Variants in ACAT1 observed in about 807,000 individuals in gnomAD.
ACAT1 encodes acetyl-CoA acetyltransferase, mitochondrial.
A neutral mutation model predicts 47.3 loss-of-function variants in ACAT1; 28 were observed. The observed-to-expected ratio is 0.59, with a 90% CI of 0.44 to 0.81. ACAT1 has a LOEUF of 0.81. Ranked by LOEUF, ACAT1 falls within the 30% of genes least tolerant of loss-of-function variation. The probability of loss-of-function intolerance (pLI) is 0.00; values close to 1 mark genes in which losing one functional copy is unlikely to be tolerated. For synonymous variants in ACAT1, 181 were observed against 173.6 expected, an observed-to-expected ratio of 1.04 and a Z score of -0.34; for missense variants, 469 against 524.3, an observed-to-expected ratio of 0.89 and a Z score of 1.03.
intron 5 of ACAT1, among the ~76,000 whole-genome samples, chr11:108,137,465 A>C (rs2077489848): frequency 6.6e-6 from 1 of 152,208 alleles, no homozygotes; most frequent in East Asian, 1.9e-4. Flanking sequence ...ATGAGTGTTG[A>C]TGATGCTTTG....
At chr11:108,133,696 T>C in intron 2 of ACAT1, 124 bp from the exon 3 acceptor site, 1 of 784,740 alleles carries the variant, frequency 1.3e-6, no homozygotes, top group Non-Finnish European at 2.2e-6. Context: ...GCTGTTCAAC[T>C]ATTGAGATTA....
At chr11:108,142,578 T>C (rs1476850163) in intron 9 of ACAT1, 28 bp downstream of exon 9, 1 of 1,569,362 alleles carries the variant, frequency 6.4e-7, no homozygotes, top group East Asian at 2.2e-5. Flanking sequence ...GGCTCACACC[T>C]GTAATCCCAG....
rs120074143 is a variant in ACAT1, at chr11:108,146,332, G to T, written c.1136G>T (p.Gly379Val). ...IDPQKVNING[G>V]AVSLGHPIGM... ...CCCCAAAAAGTGAATATCAATGGAG[G>T]AGCTGTTTCTCTGGGACATCCAATT... The change falls in exon 11 of 12, where the codon GGA (glycine) becomes GTA (valine). Residue 379 changes from glycine (G) to valine (V), a missense_variant. Physicochemically the swap from Gly to Val is moderately radical, Grantham distance 109. Coordinates refer to ENST00000265838, the MANE Select transcript of ACAT1 (RefSeq NM_000019.4). The T allele has an allele frequency of 6.2e-7, 1 of 1,613,864 alleles. No individual in the cohort carries two copies. The highest frequency in any genetic ancestry group is 8.5e-7 in the Non-Finnish European group (1 of 1,179,960).
In ACAT1 at chr11:108,134,200, CTT is replaced by C. The variant is rs201199156; in HGVS notation, c.239-9_239-8del. On this transcript the variant is annotated intron_variant, in intron 3 of 11. Coordinates refer to ENST00000265838, the MANE Select transcript of ACAT1 (RefSeq NM_000019.4). ...TAAATTGAATTAAATGCCTTTTTGA[CTT>C]TTTTTTTTTTTAATAAAGGGATTCC... The C allele has an allele frequency of 4.6e-3, 6,090 of 1,337,084 alleles. No individual in the cohort carries two copies. The highest frequency in any genetic ancestry group is 5.1e-3 in the Non-Finnish European group (4,909 of 964,350). The allele number at this position is 1,337,084 out of a possible 1,614,324, so 82.8% of individuals were successfully genotyped here. A position where few individuals can be genotyped will look rare whatever the true frequency, so the allele number is the denominator to read the frequency against.
intron 5 of ACAT1, chr11:108,136,398 A>C (rs1330899590): frequency 3.7e-6 from 1 of 269,996 alleles, no homozygotes; most frequent in Non-Finnish European, 6.9e-6. Context: ...TACCAGTTAG[A>C]CTTTCCAAAA....
upstream of ACAT1, among the ~76,000 whole-genome samples, chr11:108,118,171 A>G (rs1273545011): frequency 2.0e-5 from 3 of 152,088 alleles, no homozygotes; most frequent in Non-Finnish European, 4.4e-5. Flanking sequence ...TAATCCCAGC[A>G]CTTTGGGAGA....
At chr11:108,135,665 T>C (rs528896616) in intron 5 of ACAT1, among the ~76,000 whole-genome samples, 1 of 152,172 alleles carries the variant, frequency 6.6e-6, no homozygotes, top group African/African-American at 2.4e-5. Flanking sequence ...CCGTCTCTAC[T>C]AAAAATACAA....
At chr11:108,144,809 TGAAAG>T (rs2077671031) in intron 10 of ACAT1, among the ~76,000 whole-genome samples, 2 of 151,306 alleles carry the variant, frequency 1.3e-5, no homozygotes, top group South Asian at 2.1e-4. Context: ...TCTCAGAAAA[TGAAAG>T]GAACACGCAG....
At chr11:108,141,287 A>C (rs1429924309) in intron 7 of ACAT1, among the ~76,000 whole-genome samples, 1 of 138,408 alleles carries the variant, frequency 7.2e-6, no homozygotes, top group Non-Finnish European at 1.5e-5. Context: ...TGGGAGGCTG[A>C]GGTGGGAGGA....
upstream of ACAT1, among the ~76,000 whole-genome samples, chr11:108,119,997 G>A (rs1480130250): frequency 1.3e-5 from 2 of 152,086 alleles, no homozygotes; most frequent in African/African-American, 4.8e-5. Flanking sequence ...GGGGCGGATT[G>A]CGTGAGCTCA....
chr11:108,147,335 C>G lies in ACAT1; in HGVS notation c.1229C>G (p.Ala410Gly). The stretch of plus-strand genomic sequence containing the variant: ...TTGAAGCAAGGAGAATACGGTCTTG[C>G]CAGTATTTGCAATGGAGGAGGAGGT... The part of the protein sequence containing the change: ...HALKQGEYGL[A>G]SICNGGGGAS... Residue 410 changes from alanine (A) to glycine (G), a missense_variant, in exon 12 of 12, where the codon GCC becomes GGC. By Grantham distance (60) the Ala-to-Gly change is moderately conservative. Coordinates refer to ENST00000265838, the MANE Select transcript of ACAT1 (RefSeq NM_000019.4). The G allele has an allele frequency of 6.2e-7, 1 of 1,613,818 alleles. No homozygotes were observed. The highest frequency in any genetic ancestry group is 8.5e-7 in the Non-Finnish European group (1 of 1,179,894).
upstream of ACAT1, among the ~76,000 whole-genome samples, chr11:108,118,376 C>T (rs540457280): frequency 2.0e-5 from 3 of 151,644 alleles, no homozygotes; most frequent in Non-Finnish European, 4.4e-5. Context: ...AATCTAGTCA[C>T]TTTCTTTTTT....
chr11:108,118,979 A>G (rs2077107317), upstream of ACAT1, among the ~76,000 whole-genome samples: 1 of 152,158 alleles, frequency 6.6e-6, no homozygotes, highest in South Asian at 2.1e-4. Context: ...CTAAGACACA[A>G]CTAGTGTAGT....
At chr11:108,118,050 C>A (rs1339451868), upstream of ACAT1, among the ~76,000 whole-genome samples, 1 of 152,168 alleles carries the variant, frequency 6.6e-6, no homozygotes, top group African/African-American at 2.4e-5. Context: ...ATACATCTGT[C>A]CAGACACTAT....
In ACAT1 at chr11:108,131,889, T is replaced by C. The variant is rs1375239819; in HGVS notation, c.73-18T>C. On this transcript the variant is annotated intron_variant, in intron 1 of 11. Coordinates refer to ENST00000265838, the MANE Select transcript of ACAT1 (RefSeq NM_000019.4). ...TAATATTTTTTACATTATAACATTATAAATATTTATATTACAGGAAATAAG... is the reference window on the plus strand; with the variant it reads ...TAATATTTTTTACATTATAACATTACAAATATTTATATTACAGGAAATAAG... 1.1e-5 allele frequency: 13 copies of C among 1,182,144 alleles called. 1 individual carries two copies. The highest frequency in any genetic ancestry group is 1.5e-5 in the African/African-American group (1 of 64,878). The allele number at this position is 1,182,144 out of a possible 1,614,324, so 73.2% of individuals were successfully genotyped here. A position where few individuals can be genotyped will look rare whatever the true frequency, so the allele number is the denominator to read the frequency against.
intron 2 of ACAT1, among the ~76,000 whole-genome samples, chr11:108,133,535 C>G (rs965820628): frequency 6.6e-6 from 1 of 152,136 alleles, no homozygotes; most frequent in East Asian, 1.9e-4. Flanking sequence ...GTGATCATTT[C>G]TTGAATTTTG....
intron 1 of ACAT1, among the ~76,000 whole-genome samples, chr11:108,127,325 C>T (rs977291427): frequency 3.4e-5 from 5 of 149,014 alleles, no homozygotes; most frequent in Non-Finnish European, 7.4e-5. Context: ...AGTGCAGTGG[C>T]GTGATCTTGG....
intron 7 of ACAT1, among the ~76,000 whole-genome samples, 159 bp from the exon 8 acceptor site, chr11:108,141,446 G>A (rs1428385098): frequency 1.3e-5 from 2 of 150,498 alleles, no homozygotes; most frequent in African/African-American, 2.4e-5. Context: ...ACATAATAGA[G>A]GTTATAGTTA....
rs202030208 is a variant in ACAT1 at position 108,134,213 on chromosome 11, T to A, written c.239-8T>A. 98 of 1,591,880 alleles carry A rather than the reference T, an allele frequency of 6.2e-5. No individual in the cohort carries two copies. The East Asian group carries it at 1.1e-3, about 17-fold the overall frequency. On this transcript the variant is annotated splice_polypyrimidine_tract_variant and splice_region_variant and intron_variant, in intron 3 of 11. Coordinates refer to ENST00000265838, the MANE Select transcript of ACAT1 (RefSeq NM_000019.4). Reference sequence around the variant, plus strand: ...ATGCCTTTTTGACTTTTTTTTTTTTTAATAAAGGGATTCCAAAAGAAGAAG... The same window carrying A: ...ATGCCTTTTTGACTTTTTTTTTTTTAAATAAAGGGATTCCAAAAGAAGAAG...
Sources: allele counts gnomAD v4.1 joint callset (sites outside exome capture counted in the v4.1 genomes callset), GRCh38; gene constraint gnomAD v4.1.1; transcripts MANE v1.5; gene names NCBI Gene and HGNC (gene_info 2026-07-23, HGNC 2026-07-21).